IPO8: variants seen among roughly 807,000 people sequenced by gnomAD.
The protein encoded by IPO8 is importin-8.
A neutral mutation model predicts 141.2 loss-of-function variants in IPO8; 65 were observed. The observed-to-expected ratio is 0.46, with a 90% CI of 0.38 to 0.57. The LOEUF (loss-of-function observed/expected upper bound fraction) is 0.57, where lower values mean the gene tolerates loss of function less well. Ranked by LOEUF, IPO8 falls within the 20% of genes least tolerant of loss-of-function variation. The probability of loss-of-function intolerance (pLI) is 0.00; values close to 1 mark genes in which losing one functional copy is unlikely to be tolerated. For missense variants in IPO8, 980 were observed against 1,246.8 expected, an observed-to-expected ratio of 0.79 and a Z score of 3.22; for synonymous variants, 411 against 420.3, an observed-to-expected ratio of 0.98 and a Z score of 0.27.
At chr12:30,680,010 T>C (rs938461623) in intron 5 of IPO8, among the ~76,000 whole-genome samples, 2 of 152,166 alleles carry the variant, frequency 1.3e-5, no homozygotes, top group African/African-American at 2.4e-5. Flanking sequence ...GGCAGTATTT[T>C]AAACCAAGGA....
At chr12:30,653,630 T>C (rs570935398) in intron 17 of IPO8, among the ~76,000 whole-genome samples, 1 of 152,184 alleles carries the variant, frequency 6.6e-6, no homozygotes, top group South Asian at 2.1e-4. Context: ...AGACCCACTA[T>C]AAAGTAGAAG....
chr12:30,651,998 C>T (rs1037068234), intron 19 of IPO8, among the ~76,000 whole-genome samples, 194 bp downstream of exon 19: 4 of 151,938 alleles, frequency 2.6e-5, no homozygotes, highest in African/African-American at 4.8e-5. Flanking sequence ...AAGTGGCAAA[C>T]ATTCATAAGC....
rs966035402 is a variant in IPO8, at chr12:30,631,970, C to T, written c.2941G>A (p.Ala981Thr). 17 of 1,612,882 alleles carry T rather than the reference C, an allele frequency of 1.1e-5. No homozygotes were observed. The highest frequency in any genetic ancestry group is 1.4e-5 in the Non-Finnish European group (16 of 1,179,944). Reference protein sequence around the residue: ...RDAAWYQLLMAPLSEDQRTAL... With the variant: ...RDAAWYQLLMTPLSEDQRTAL... ...GTCCTCTGATCCTCGCTGAGTGGTG[C>T]CATCAGCAGCTGGTACCAGGCTGCA... The change falls in exon 24 of 25, where the codon GCA (alanine) becomes ACA (threonine). Residue 981 changes from alanine to threonine, a missense_variant. This residue lies in a region of IPO8 where 924 missense variants were observed against 1,153.9 expected (regional missense o/e 0.80). Coordinates refer to ENST00000256079, the MANE Select transcript of IPO8 (RefSeq NM_006390.4).
chr12:30,665,079 T>A lies in IPO8; in HGVS notation c.1428+141A>T, dbSNP rs961858180. 16 of 598,482 alleles carry A rather than the reference T, an allele frequency of 2.7e-5. No homozygotes were observed. In the African/African-American group the frequency reaches 2.9e-4, roughly 11 times the overall value. The allele number at this position is 598,482 out of a possible 1,614,324, so 37.1% of individuals were successfully genotyped here. A position where few individuals can be genotyped will look rare whatever the true frequency, so the allele number is the denominator to read the frequency against. On this transcript the variant is annotated intron_variant, in intron 13 of 24. Transcript: ENST00000256079. Reference sequence around the variant, plus strand: ...TTTAATAGTCTGTCCTTTATTCAGCTGATGTGACCATAGGCAGACATTCTA... The same window carrying A: ...TTTAATAGTCTGTCCTTTATTCAGCAGATGTGACCATAGGCAGACATTCTA...
At chr12:30,631,693 T>C (rs986414723) in intron 24 of IPO8, 49 of 477,628 alleles carry the variant, frequency 1.0e-4, no homozygotes, top group African/African-American at 9.2e-4. Context: ...AGGAAATACA[T>C]ATTAATGTGC....
intron 8 of IPO8, among the ~76,000 whole-genome samples, chr12:30,671,630 C>A (rs574858544): frequency 7.8e-5 from 11 of 141,562 alleles, no homozygotes; most frequent in South Asian, 4.7e-4. Context: ...GCCGAGATCG[C>A]GCCACTGCAC....
rs1174448764 is a variant in IPO8 at position 30,634,063 on chromosome 12, G to A, written c.2899+20C>T. 5 of 1,583,316 alleles carry A rather than the reference G, an allele frequency of 3.2e-6. No individual in the cohort carries two copies. The African/African-American group carries it at 5.4e-5, about 17-fold the overall frequency. ...TTTAGAAAAAAAAATATCAGAAGAT[G>A]TGGGGAAGTAAAGACATACTTATCA... On this transcript the variant is annotated intron_variant, in intron 23 of 24. Coordinates refer to ENST00000256079, the MANE Select transcript of IPO8 (RefSeq NM_006390.4).
At chr12:30,637,377 A>G (rs2052517452) in intron 21 of IPO8, among the ~76,000 whole-genome samples, 190 bp from the exon 22 acceptor site, 1 of 152,220 alleles carries the variant, frequency 6.6e-6, no homozygotes, top group Non-Finnish European at 1.5e-5. Flanking sequence ...AATTATTTTC[A>G]AAGACCTATT....
chr12:30,681,674 AG>A lies in IPO8; in HGVS notation c.466del (p.Leu156TrpfsTer2). The A allele has an allele frequency of 6.2e-7, 1 of 1,613,154 alleles. No individual in the cohort carries two copies. Among genetic ancestry groups the A allele is most frequent in the Non-Finnish European group, 8.5e-7 (1 of 1,179,520 alleles). ...ACCAACTTACTCATATGTCTTCACCAGTTGATACAGGCATAATAAACTGCCA... is the reference window on the plus strand; with the variant it reads ...ACCAACTTACTCATATGTCTTCACCATTGATACAGGCATAATAAACTGCCA... Reference protein sequence around the residue: ...WLGSLLCLYQLVKTYEYKKAE... With the variant: ...WLGSLLCLYQXVKTYEYKKAE... On this transcript the variant is annotated frameshift_variant, in exon 4 of 25. Transcript: ENST00000256079. LOFTEE classifies it high-confidence loss of function.
chr12:30,634,641 C>T lies in IPO8; in HGVS notation c.2696-355G>A, dbSNP rs143013303. Reference sequence around the variant, plus strand: ...TATTCAATTGCAGATTTCAAAATTACCTTTGTTTAAAAAAAAAGTGACTGT... The same window carrying T: ...TATTCAATTGCAGATTTCAAAATTATCTTTGTTTAAAAAAAAAGTGACTGT... On this transcript the variant is annotated intron_variant, in intron 22 of 24. Coordinates refer to ENST00000256079, the MANE Select transcript of IPO8 (RefSeq NM_006390.4). Among the ~76,000 whole-genome samples, 317 of 152,046 alleles carry T rather than the reference C, an allele frequency of 2.1e-3. 1 individual carries two copies. The highest frequency in any genetic ancestry group is 6.8e-3 in the African/African-American group (281 of 41,496).
intron 16 of IPO8, among the ~76,000 whole-genome samples, 178 bp downstream of exon 16, chr12:30,660,963 A>ATACT (rs145520545): frequency 0.54 from 80,746 of 148,954 alleles, 22,630 homozygotes; most frequent in African/African-American, 0.67. Context: ...ATGATGTAAT[A>ATACT]TTATAATGTT....
chr12:30,671,396 G>A (rs1053796842), intron 8 of IPO8, among the ~76,000 whole-genome samples: 5 of 152,068 alleles, frequency 3.3e-5, no homozygotes, highest in Admixed American at 1.3e-4. Context: ...AACAGGAGCC[G>A]GGCACGGTGG....
chr12:30,677,387 A>T lies in IPO8; in HGVS notation c.640-800T>A, dbSNP rs952232891. The stretch of plus-strand genomic sequence containing the variant: ...AACCTACTGAATTGCCAGCTGTATA[A>T]AGTATAGCAATTTTATACAGTACGT... On this transcript the variant is annotated intron_variant, in intron 5 of 24. Coordinates refer to ENST00000256079, the MANE Select transcript of IPO8 (RefSeq NM_006390.4). 5 of 337,558 alleles carry T rather than the reference A, an allele frequency of 1.5e-5. No homozygotes were observed. In the Admixed American group the frequency reaches 2.0e-4, roughly 14 times the overall value. 20.9% of individuals were successfully genotyped at this position (337,558 alleles called of 1,614,324 possible).
intron 1 of IPO8, among the ~76,000 whole-genome samples, chr12:30,691,081 AAATCTC>A (rs1194362313): frequency 6.6e-6 from 1 of 152,318 alleles, no homozygotes; most frequent in Non-Finnish European, 1.5e-5. Context: ...TATGAATTTA[AAATCTC>A]AATCTTTTAT....
Position 30,695,106 on chromosome 12 carries a change from C to T in IPO8, c.84+458G>A, listed in dbSNP as rs2053325405. On this transcript the variant is annotated intron_variant, in intron 1 of 24. Transcript: ENST00000256079. The surrounding 1 kb of genome is among the most constrained non-coding windows in gnomAD (Gnocchi z 4.2). The stretch of plus-strand genomic sequence containing the variant: ...CGGTGTCAAAACAGTCCTGCCAACC[C>T]GACAGGAGGAGGCGGTGGGCAGCGT... The T allele has an allele frequency of 2.3e-6, 1 of 441,556 alleles. No homozygotes were observed. The highest frequency in any genetic ancestry group is 2.0e-5 in the African/African-American group (1 of 49,466). 27.4% of individuals were successfully genotyped at this position (441,556 alleles called of 1,614,324 possible).
At chr12:30,633,114 A>G (rs923411203) in intron 23 of IPO8, among the ~76,000 whole-genome samples, 3 of 152,242 alleles carry the variant, frequency 2.0e-5, no homozygotes, top group African/African-American at 4.8e-5. Flanking sequence ...GCTTTGGAAT[A>G]TAGTTTCCTG....
At chr12:30,687,154 G>T (rs2053250039) in intron 2 of IPO8, among the ~76,000 whole-genome samples, 1 of 152,000 alleles carries the variant, frequency 6.6e-6, no homozygotes, top group Non-Finnish European at 1.5e-5. Flanking sequence ...ATTCATAAAG[G>T]AAATATTAAA....
rs150829355 is a variant in IPO8, at chr12:30,680,579, C to T, written c.542G>A (p.Arg181His). The T allele has an allele frequency of 2.4e-4, 388 of 1,612,338 alleles. 5 individuals are homozygous for T. The highest frequency in any genetic ancestry group is 1.4e-3 in the South Asian group (131 of 90,962). Residue 181 changes from arginine (R) to histidine (H), a missense_variant, in exon 5 of 25, where the codon CGT becomes CAT. Arg to His is a conservative substitution (Grantham distance 29, BLOSUM62 0). Transcript: ENST00000256079. ...GAGCTGAACAATTTGTTGCTGAATA[C>T]GAGGCAGGAATATCTGCATTGCTAT... is the stretch of plus-strand genomic sequence containing the variant. ...LIIAMQIFLP[R>H]IQQQIVQLLP...
rs747245504 is a variant in IPO8, at chr12:30,665,352, C to T, written c.1339-43G>A. The T allele has an allele frequency of 7.6e-5, 83 of 1,095,610 alleles. 1 individual carries two copies. The Middle Eastern group carries it at 9.9e-4, about 13-fold the overall frequency. The allele number at this position is 1,095,610 out of a possible 1,614,324, so 67.9% of individuals were successfully genotyped here. ...TCAACTTATCAATTTCTTTTTCATA[C>T]GTAAGAATCACTTCCTAATCAAGTG... On this transcript the variant is annotated intron_variant, in intron 12 of 24. Transcript: ENST00000256079.
Sources: allele counts gnomAD v4.1 joint callset (sites outside exome capture counted in the v4.1 genomes callset), GRCh38; gene constraint gnomAD v4.1.1; regional missense constraint gnomAD v4.1.1; non-coding constraint Gnocchi (gnomAD v3.1); transcripts MANE v1.5; gene names NCBI Gene and HGNC (gene_info 2026-07-23, HGNC 2026-07-21).